Variants in AKAP19 observed in about 807,000 individuals in gnomAD.
AKAP19 encodes the protein A-kinase anchoring protein 19.
At chr2:190,198,460 G>A in the AKAP19 span, among the ~76,000 whole-genome samples, 1 of 151,770 alleles carries the variant, frequency 6.6e-6, no homozygotes, top group African/African-American at 2.4e-5. Context: ...GGGCAAAATG[G>A]CAAAACCCTG....
chr2:189,891,223 C>CTTTTTTT, the AKAP19 span, among the ~76,000 whole-genome samples: 4 of 110,468 alleles, frequency 3.6e-5, no homozygotes, highest in Non-Finnish European at 7.0e-5. Flanking sequence ...TTTTTTTTTC[C>CTTTTTTT]TTTTTTTTTT....
the AKAP19 span, among the ~76,000 whole-genome samples, chr2:190,117,656 T>A: frequency 1.3e-5 from 2 of 152,246 alleles, no homozygotes; most frequent in African/African-American, 4.8e-5. Context: ...CCCAATCCAA[T>A]CTAAAGTTCT....
the AKAP19 span, among the ~76,000 whole-genome samples, chr2:190,193,157 AT>A: frequency 1.2e-4 from 19 of 152,040 alleles, no homozygotes; most frequent in Non-Finnish European, 2.5e-4. Flanking sequence ...CTTTGCTGGG[AT>A]TTTAAAAATA....
the AKAP19 span, among the ~76,000 whole-genome samples, chr2:189,882,128 G>A: frequency 6.6e-6 from 1 of 152,004 alleles, no homozygotes; most frequent in Non-Finnish European, 1.5e-5. Flanking sequence ...GGGGCTCCTG[G>A]GCCTGTCAGA....
the AKAP19 span, among the ~76,000 whole-genome samples, chr2:190,164,668 ATTATT>A: frequency 6.6e-6 from 1 of 152,208 alleles, no homozygotes; most frequent in East Asian, 1.9e-4. Flanking sequence ...TCAGTTAAGA[ATTATT>A]TTATTTAGTC....
chr2:189,965,196 C>T, the AKAP19 span, among the ~76,000 whole-genome samples: 1 of 152,222 alleles, frequency 6.6e-6, no homozygotes, highest in Admixed American at 6.5e-5. Flanking sequence ...GTTGGTGGAA[C>T]AGTCAGAACA....
At chr2:190,146,712 T>C in the AKAP19 span, among the ~76,000 whole-genome samples, 3 of 152,268 alleles carry the variant, frequency 2.0e-5, no homozygotes, top group Non-Finnish European at 4.4e-5. Context: ...AGTAAGGTGG[T>C]ATTGCATTAT....
At chr2:189,905,690 A>G in the AKAP19 span, among the ~76,000 whole-genome samples, 64 of 152,052 alleles carry the variant, frequency 4.2e-4, 1 homozygote, top group Non-Finnish European at 8.5e-4. Context: ...CCAAGCTCTC[A>G]TTAGCAGTAC....
At chr2:190,199,572 CTGTT>C in the AKAP19 span, 2 of 380,732 alleles carry the variant, frequency 5.3e-6, no homozygotes, top group East Asian at 5.1e-5. Flanking sequence ...TAAGATAAAG[CTGTT>C]TGTTTTTACC....
At chr2:190,029,915 T>TG in the AKAP19 span, among the ~76,000 whole-genome samples, 1 of 152,174 alleles carries the variant, frequency 6.6e-6, no homozygotes, top group South Asian at 2.1e-4. Flanking sequence ...TGGCTCTGCA[T>TG]GGGGAATTCT....
the AKAP19 span, among the ~76,000 whole-genome samples, chr2:190,003,876 A>G: frequency 6.6e-6 from 1 of 152,150 alleles, no homozygotes; most frequent in African/African-American, 2.4e-5. Flanking sequence ...AAAGAGAAAA[A>G]AAAAAGTTGT....
chr2:189,945,402 C>T, the AKAP19 span, among the ~76,000 whole-genome samples: 1 of 152,144 alleles, frequency 6.6e-6, no homozygotes, highest in Non-Finnish European at 1.5e-5. Flanking sequence ...AGATGCAAAC[C>T]CCACTGCCTC....
chr2:189,944,718 G>A, the AKAP19 span, among the ~76,000 whole-genome samples: 4 of 152,088 alleles, frequency 2.6e-5, no homozygotes, highest in Admixed American at 1.3e-4. Context: ...AAACATCAAA[G>A]TTAAACTACA....
At chr2:190,084,227 G>A in the AKAP19 span, among the ~76,000 whole-genome samples, 365 of 151,788 alleles carry the variant, frequency 2.4e-3, 1 homozygote, top group African/African-American at 8.2e-3. Context: ...CACGTACCTG[G>A]GATTACAGGC....
the AKAP19 span, among the ~76,000 whole-genome samples, chr2:190,177,982 CA>C: frequency 6.6e-6 from 1 of 152,274 alleles, no homozygotes; most frequent in African/African-American, 2.4e-5. The surrounding 1 kb of genome is among the most constrained non-coding windows in gnomAD (Gnocchi z 4.6). Context: ...TCACCCTAAC[CA>C]CATTCACCTC....
the AKAP19 span, among the ~76,000 whole-genome samples, chr2:189,972,617 T>A: frequency 6.6e-6 from 1 of 152,230 alleles, no homozygotes; most frequent in Non-Finnish European, 1.5e-5. Context: ...TCCATGAGCA[T>A]GGAATATTCT....
the AKAP19 span, among the ~76,000 whole-genome samples, chr2:189,896,008 CA>C: frequency 0.83 from 97,772 of 117,984 alleles, 39,912 homozygotes; most frequent in East Asian, 0.93. Flanking sequence ...GACCCTGTCT[CA>C]AAAAAAAAAA....
At chr2:190,193,950 A>T in the AKAP19 span, among the ~76,000 whole-genome samples, 1 of 152,180 alleles carries the variant, frequency 6.6e-6, no homozygotes, top group Non-Finnish European at 1.5e-5. Flanking sequence ...CTAAGCTCTA[A>T]AACTAATGCA....
the AKAP19 span, among the ~76,000 whole-genome samples, chr2:190,100,954 G>A: frequency 2.2e-4 from 33 of 152,262 alleles, no homozygotes; most frequent in Admixed American, 1.4e-3. Flanking sequence ...GGGGCTCCAA[G>A]CACCCCAGGC....
Sources: allele counts gnomAD v4.1 joint callset (sites outside exome capture counted in the v4.1 genomes callset), GRCh38; gene constraint gnomAD v4.1.1; non-coding constraint Gnocchi (gnomAD v3.1); transcripts MANE v1.5; gene names NCBI Gene and HGNC (gene_info 2026-07-23, HGNC 2026-07-21).